GDA: variants seen among roughly 807,000 people sequenced by gnomAD.
GDA encodes guanine deaminase.
A neutral mutation model predicts 59.6 loss-of-function variants in GDA; 18 were observed. The observed-to-expected ratio is 0.30, with a 90% CI of 0.21 to 0.45. GDA has a LOEUF of 0.45. Ranked by LOEUF, GDA falls within the 20% of genes least tolerant of loss-of-function variation. The probability of loss-of-function intolerance (pLI) is 1.00; values close to 1 mark genes in which losing one functional copy is unlikely to be tolerated. For synonymous variants in GDA, 201 were observed against 201.1 expected (o/e 1.00, Z 0.00); for missense variants, 427 against 552.3 (o/e 0.77, Z 2.27).
At chr9:72,200,245 C>G (rs2131325160) in intron 2 of GDA, among the ~76,000 whole-genome samples, 1 of 152,280 alleles carries the variant, frequency 6.6e-6, no homozygotes. Flanking sequence ...ATCTGCCCGC[C>G]TTGGCCTCCC....
At chr9:72,164,850 C>T (rs1002575835) in intron 1 of GDA, among the ~76,000 whole-genome samples, 6 of 151,660 alleles carry the variant, frequency 4.0e-5, no homozygotes, top group African/African-American at 1.2e-4. Context: ...ATTAGCTGGG[C>T]GTGGTGGCGG....
intron 5 of GDA, among the ~76,000 whole-genome samples, chr9:72,219,192 C>T (rs1336642062): frequency 6.6e-6 from 1 of 152,056 alleles, no homozygotes; most frequent in Non-Finnish European, 1.5e-5. Flanking sequence ...ATCACCAGGT[C>T]AGGAGATCAA....
At chr9:72,225,985 C>A (rs1276094277) in intron 8 of GDA, among the ~76,000 whole-genome samples, 4 of 138,170 alleles carry the variant, frequency 2.9e-5, no homozygotes, top group South Asian at 4.9e-4. Flanking sequence ...TAGAGTAAAG[C>A]CTAGTGTGTG....
intron 1 of GDA, among the ~76,000 whole-genome samples, chr9:72,179,667 C>G (rs11143150): frequency 0.18 from 27,766 of 152,088 alleles, 2,861 homozygotes; most frequent in African/African-American, 0.29. Context: ...AATGAAGTAC[C>G]ACAAACAGGG....
At position 72,158,480 on chromosome 9, in the gene GDA, C is replaced by G. The variant is rs528511478; in HGVS notation, c.123+8798C>G. Among the ~76,000 whole-genome samples, 15 of 152,066 alleles carry G rather than the reference C, an allele frequency of 9.9e-5. No homozygotes were observed. The South Asian group carries it at 3.1e-3, about 32-fold the overall frequency. ...TGGTGGCAGGCGCCTATAGTCCCAGCTACTCGGGAGGCTGAGGCAGGAGAA... is the reference window on the plus strand; with the variant it reads ...TGGTGGCAGGCGCCTATAGTCCCAGGTACTCGGGAGGCTGAGGCAGGAGAA... On this transcript the variant is annotated intron_variant, in intron 1 of 13. Transcript: ENST00000358399.
chr9:72,213,645 T>C (rs1835682557), intron 4 of GDA, among the ~76,000 whole-genome samples: 1 of 149,860 alleles, frequency 6.7e-6, no homozygotes, highest in South Asian at 2.1e-4. Flanking sequence ...CTACTAAAAA[T>C]ACAAAAAATT....
intron 4 of GDA, among the ~76,000 whole-genome samples, chr9:72,211,453 C>T (rs190399705): frequency 1.3e-5 from 2 of 152,270 alleles, no homozygotes; most frequent in East Asian, 3.9e-4. Flanking sequence ...ATTCTGGATT[C>T]GGGTTGATGA....
At chr9:72,255,682 A>G (rs897269160), downstream of GDA, among the ~76,000 whole-genome samples, 2 of 152,242 alleles carry the variant, frequency 1.3e-5, no homozygotes, top group African/African-American at 4.8e-5. Context: ...CTCCAGCATC[A>G]TAAACGTGTC....
In GDA at chr9:72,250,702, G is replaced by C. The variant is rs775725876; in HGVS notation, c.*2360G>C. On this transcript the variant is annotated 3_prime_UTR_variant, in exon 14 of 14. Transcript: ENST00000358399. The stretch of plus-strand genomic sequence containing the variant: ...GAATTGTGGAGAGGCACTTTTCCAA[G>C]CCAATCTTATTTGTCACTTTTTGTT... The C allele has an allele frequency of 6.2e-7, 1 of 1,611,166 alleles. No individual in the cohort carries two copies. The highest frequency in any genetic ancestry group is 2.2e-5 in the East Asian group (1 of 44,828).
At chr9:72,212,109 T>G (rs951625412) in intron 4 of GDA, among the ~76,000 whole-genome samples, 3 of 152,208 alleles carry the variant, frequency 2.0e-5, no homozygotes, top group Admixed American at 6.5e-5. Context: ...GCACCTTTGA[T>G]GAGGACTAGG....
chr9:72,157,239 C>T (rs1828020540), intron 1 of GDA, among the ~76,000 whole-genome samples: 1 of 151,996 alleles, frequency 6.6e-6, no homozygotes, highest in African/African-American at 2.4e-5. Context: ...TGGGGTTTCG[C>T]CATGTTGGGC....
intron 1 of GDA, among the ~76,000 whole-genome samples, chr9:72,133,319 A>ATAATAATAATAATTT (rs1826104366): frequency 6.7e-6 from 1 of 148,174 alleles, no homozygotes; most frequent in Non-Finnish European, 1.5e-5. Flanking sequence ...AATAATAATA[A>ATAATAATAATAATTT]TAATAATAAT....
At chr9:72,205,540 C>A (rs1307930357) in intron 3 of GDA, among the ~76,000 whole-genome samples, 1 of 152,172 alleles carries the variant, frequency 6.6e-6, no homozygotes. Context: ...GGACTCTGCC[C>A]AGCAAGGTGG....
Position 72,149,688 on chromosome 9 carries a change from CA to C in GDA, c.123+7del. ...GCGTGAGCGACAGCGGCAAAGTAAG[CA>C]GGCGCGGGGTCGAGCGCACTCCGAC... is the stretch of plus-strand genomic sequence containing the variant. On this transcript the variant is annotated splice_region_variant and intron_variant, in intron 1 of 13. Coordinates refer to ENST00000358399, the MANE Select transcript of GDA (RefSeq NM_004293.5). 1 of 1,596,650 alleles carries C rather than the reference CA, an allele frequency of 6.3e-7. No individual in the cohort carries two copies. The highest frequency in any genetic ancestry group is 8.5e-7 in the Non-Finnish European group (1 of 1,172,960).
At chr9:72,115,502 T>C (rs1230381969) in intron 1 of GDA, among the ~76,000 whole-genome samples, 1 of 152,216 alleles carries the variant, frequency 6.6e-6, no homozygotes, top group Non-Finnish European at 1.5e-5. Flanking sequence ...GGGCTAGGTG[T>C]GAAGGAGATC....
chr9:72,191,038 T>C (rs1482217584), intron 1 of GDA, among the ~76,000 whole-genome samples: 1 of 152,228 alleles, frequency 6.6e-6, no homozygotes, highest in Admixed American at 6.5e-5. Context: ...AGTTTCATTG[T>C]AGCAATATCA....
chr9:72,200,275 C>A (rs576719093), intron 2 of GDA, among the ~76,000 whole-genome samples: 46 of 152,086 alleles, frequency 3.0e-4, no homozygotes, highest in South Asian at 1.9e-3. Flanking sequence ...GGATTACAGG[C>A]GTGAGCCACC....
Position 72,128,593 on chromosome 9 carries a change from A to G in GDA, c.-100+13760A>G, listed in dbSNP as rs534508058. 2.6e-5 allele frequency among the ~76,000 whole-genome samples: 4 copies of G among 152,342 alleles called. 1 individual carries two copies. Among genetic ancestry groups the G allele is most frequent in the African/African-American group, 9.6e-5 (4 of 41,584 alleles). The stretch of plus-strand genomic sequence containing the variant: ...TAACATATATATAATATCATGTAAT[A>G]AACATATAATGTCTGTGTAACTAGA... On this transcript the variant is annotated intron_variant, in intron 1 of 13. Transcript: ENST00000545168.
intron 1 of GDA, among the ~76,000 whole-genome samples, chr9:72,130,525 T>C (rs1171893962): frequency 3.3e-5 from 5 of 152,232 alleles, no homozygotes; most frequent in Non-Finnish European, 7.3e-5. Flanking sequence ...AGGCAAAGTC[T>C]ATTCTTGTTC....
Sources: gnomAD v4.1 joint callset for allele counts (sites outside exome capture counted in the v4.1 genomes callset) on GRCh38, gnomAD v4.1.1 for gene constraint, MANE v1.5 for transcripts, NCBI Gene and HGNC (gene_info 2026-07-23, HGNC 2026-07-21) for gene names.